Variants in RPA3 observed in about 807,000 individuals in gnomAD.
The protein encoded by RPA3 is replication protein A 14 kDa subunit.
In RPA3, 24 loss-of-function variants were observed where a neutral mutation model predicts 13.7. The ratio of observed to expected loss-of-function variants is 1.75; its 90% CI spans 1.27 to 2.46. The LOEUF (loss-of-function observed/expected upper bound fraction) is 2.46. RPA3 is among the 30% of genes most tolerant of loss of function. RPA3 has a pLI of 0.00. For synonymous variants in RPA3, 59 were observed against 51.2 expected (o/e 1.15, Z -0.65); for missense variants, 183 against 151.0 (o/e 1.21, Z -1.11).
chr7:7,693,732 G>A (rs1324778967), intron 2 of RPA3, among the ~76,000 whole-genome samples: 3 of 151,912 alleles, frequency 2.0e-5, no homozygotes, highest in African/African-American at 7.3e-5. Flanking sequence ...AATATTATAT[G>A]AACGTGAAGT....
chr7:7,695,475 T>A (rs571026509), intron 2 of RPA3, among the ~76,000 whole-genome samples: 2 of 152,360 alleles, frequency 1.3e-5, no homozygotes, highest in South Asian at 4.1e-4. Flanking sequence ...TTAATTTTTA[T>A]TACATGTTTC....
intron 2 of RPA3, among the ~76,000 whole-genome samples, chr7:7,698,522 C>G (rs1359463135): frequency 6.6e-6 from 1 of 152,158 alleles, no homozygotes; most frequent in African/African-American, 2.4e-5. Flanking sequence ...TGAATCATTG[C>G]AGGCTTTATT....
At chr7:7,673,585 C>T (rs540474187) in intron 4 of RPA3, 7 of 608,680 alleles carry the variant, frequency 1.2e-5, no homozygotes, top group South Asian at 4.3e-5. Context: ...ATTTTTAAAG[C>T]GTAAAATCTG....
At chr7:7,702,750 T>G (rs1780491388) in intron 2 of RPA3, among the ~76,000 whole-genome samples, 1 of 152,202 alleles carries the variant, frequency 6.6e-6, no homozygotes, top group Non-Finnish European at 1.5e-5. Context: ...TGAGTAAAAT[T>G]TGACAAGCCA....
intron 4 of RPA3, among the ~76,000 whole-genome samples, chr7:7,672,916 C>T (rs1331939983): frequency 6.6e-6 from 1 of 152,168 alleles, no homozygotes; most frequent in Non-Finnish European, 1.5e-5. Flanking sequence ...TTAAGGTAGT[C>T]ACAACATGAC....
chr7:7,652,560 T>C (rs1785248107), intron 4 of RPA3, among the ~76,000 whole-genome samples: 1 of 152,222 alleles, frequency 6.6e-6, no homozygotes, highest in Admixed American at 6.5e-5. Context: ...ACTTAGCACC[T>C]TGCTTTGTGC....
intron 1 of RPA3, among the ~76,000 whole-genome samples, chr7:7,716,608 T>G (rs1328587506): frequency 6.6e-6 from 1 of 152,198 alleles, no homozygotes; most frequent in Non-Finnish European, 1.5e-5. Flanking sequence ...GGCAACATGG[T>G]GCTGGCCAGG....
Position 7,640,481 on chromosome 7 carries a change from G to T in RPA3, c.-63C>A, listed in dbSNP as rs780961869. On this transcript the variant is annotated 5_prime_UTR_variant, in exon 5 of 8. Coordinates refer to ENST00000223129, the MANE Select transcript of RPA3 (RefSeq NM_002947.5). ...GGACGACTGAAACTGTGCGCCCCGC[G>T]GGTGTCTATGGGGCAGATTTCTCGG... is the stretch of plus-strand genomic sequence containing the variant. 4.8e-6 allele frequency: 7 copies of T among 1,459,994 alleles called. No homozygotes were observed. Among genetic ancestry groups the T allele is most frequent in the Non-Finnish European group, 6.7e-6 (7 of 1,044,138 alleles). The allele number at this position is 1,459,994 out of a possible 1,614,324, so 90.4% of individuals were successfully genotyped here. A position where few individuals can be genotyped will look rare whatever the true frequency, so the allele number is the denominator to read the frequency against.
At chr7:7,666,090 A>G (rs1779445982) in intron 4 of RPA3, among the ~76,000 whole-genome samples, 1 of 152,222 alleles carries the variant, frequency 6.6e-6, no homozygotes. Flanking sequence ...ACTGTTGTCC[A>G]CAGTGGCTGT....
intron 4 of RPA3, among the ~76,000 whole-genome samples, chr7:7,652,771 G>T (rs1785251796): frequency 6.6e-6 from 1 of 152,226 alleles, no homozygotes; most frequent in African/African-American, 2.4e-5. Context: ...AGTGTTAAAA[G>T]AAGTTTGTTC....
At chr7:7,660,742 T>C (rs2115089634) in intron 4 of RPA3, among the ~76,000 whole-genome samples, 1 of 152,350 alleles carries the variant, frequency 6.6e-6, no homozygotes, top group South Asian at 2.1e-4. Flanking sequence ...CATTTTTTCC[T>C]TCATTTCAAC....
intron 4 of RPA3, among the ~76,000 whole-genome samples, chr7:7,676,573 T>G (rs937620006): frequency 2.0e-5 from 3 of 152,202 alleles, no homozygotes; most frequent in African/African-American, 7.2e-5. Context: ...TTCTCTACAA[T>G]TGAAAAGAGA....
At chr7:7,667,615 A>G (rs1189193284) in intron 4 of RPA3, among the ~76,000 whole-genome samples, 1 of 152,212 alleles carries the variant, frequency 6.6e-6, no homozygotes, top group Non-Finnish European at 1.5e-5. Context: ...AAAAGTATGA[A>G]GTAAGTGAAG....
chr7:7,700,625 C>G (rs965243856), intron 2 of RPA3, among the ~76,000 whole-genome samples: 1 of 152,120 alleles, frequency 6.6e-6, no homozygotes, highest in Non-Finnish European at 1.5e-5. Context: ...CGGTGGCTCA[C>G]GCCTGTAATC....
At chr7:7,714,327 G>C (rs1780838963) in intron 2 of RPA3, among the ~76,000 whole-genome samples, 1 of 152,218 alleles carries the variant, frequency 6.6e-6, no homozygotes, top group African/African-American at 2.4e-5. Context: ...TTCTTTGGCT[G>C]CTCCAGCAGA....
intron 4 of RPA3, among the ~76,000 whole-genome samples, chr7:7,643,437 G>A (rs1360249708): frequency 6.6e-6 from 1 of 152,208 alleles, no homozygotes; most frequent in South Asian, 2.1e-4. Flanking sequence ...AGGGCCGGGC[G>A]CGGTGGCTCA....
At chr7:7,644,568 A>C (rs1785054061) in intron 4 of RPA3, among the ~76,000 whole-genome samples, 1 of 152,170 alleles carries the variant, frequency 6.6e-6, no homozygotes, top group Non-Finnish European at 1.5e-5. Context: ...GTATGTTGTC[A>C]GATAAGTCTC....
At chr7:7,676,933 T>G (rs1008781175) in intron 4 of RPA3, among the ~76,000 whole-genome samples, 6 of 152,144 alleles carry the variant, frequency 3.9e-5, no homozygotes, top group Admixed American at 2.0e-4. Flanking sequence ...GTTTCTCTTT[T>G]TATTATATCA....
At chr7:7,693,244 A>G (rs1265587778) in intron 2 of RPA3, among the ~76,000 whole-genome samples, 1 of 152,174 alleles carries the variant, frequency 6.6e-6, no homozygotes, top group Non-Finnish European at 1.5e-5. Flanking sequence ...CCAGTATACA[A>G]TTCACCAAAC....
Sources: allele counts gnomAD v4.1 joint callset (sites outside exome capture counted in the v4.1 genomes callset), GRCh38; gene constraint gnomAD v4.1.1; transcripts MANE v1.5; gene names NCBI Gene and HGNC (gene_info 2026-07-23, HGNC 2026-07-21).